Variants in GPAT4 observed in about 807,000 individuals in gnomAD.
The protein encoded by GPAT4 is glycerol-3-phosphate acyltransferase 4.
A neutral mutation model predicts 58.0 loss-of-function variants in GPAT4; 17 were observed. That is an observed-to-expected ratio of 0.29 (90% CI 0.20 to 0.44). The LOEUF (loss-of-function observed/expected upper bound fraction) is 0.44, where lower values mean the gene tolerates loss of function less well. Ranked by LOEUF, GPAT4 falls within the 20% of genes least tolerant of loss-of-function variation. The probability of loss-of-function intolerance (pLI) is 1.00; values close to 1 mark genes in which losing one functional copy is unlikely to be tolerated. For synonymous variants in GPAT4, 204 were observed against 210.1 expected (o/e 0.97, Z 0.25); for missense variants, 377 against 574.5 (o/e 0.66, Z 3.51).
At position 41,597,999 on chromosome 8, in the gene GPAT4, G is replaced by A. The variant is rs553612881; in HGVS notation, c.-848-293G>A. Reference sequence around the variant, plus strand: ...AGGAGATGTACTTTCCATAGCACACGCTTTTTATCTTTTAAATGTGTCTTA... The same window carrying A: ...AGGAGATGTACTTTCCATAGCACACACTTTTTATCTTTTAAATGTGTCTTA... On this transcript the variant is annotated intron_variant, in intron 1 of 12. Transcript: ENST00000396987. 6.6e-4 allele frequency among the ~76,000 whole-genome samples: 101 copies of A among 152,284 alleles called. 2 individuals carry two copies. In the South Asian group the frequency reaches 0.02, roughly 30 times the overall value.
chr8:41,591,163 C>T (rs1289075731), intron 1 of GPAT4, among the ~76,000 whole-genome samples: 2 of 151,960 alleles, frequency 1.3e-5, no homozygotes, highest in African/African-American at 2.4e-5. Flanking sequence ...CTGCATGCAC[C>T]GGTAATCAGA....
At chr8:41,580,342 G>GT (rs1186477160) in intron 1 of GPAT4, among the ~76,000 whole-genome samples, 3 of 152,168 alleles carry the variant, frequency 2.0e-5, no homozygotes, top group Admixed American at 1.3e-4. Context: ...ACTTAAGAGT[G>GT]TTACTCTTCT....
rs1803659656 is a variant in GPAT4 at position 41,618,576 on chromosome 8, A to G, written c.1054-108A>G. On this transcript the variant is annotated intron_variant, in intron 10 of 12. Transcript: ENST00000396987. ...TACTCATGCAAGGTCAGGGAGCAGC[A>G]CCCCAGTACCAGCACGGCCCAGTGG... 2.2e-5 allele frequency: 31 copies of G among 1,397,814 alleles called. No individual in the cohort carries two copies. The South Asian group carries it at 4.0e-4, about 18-fold the overall frequency. 86.6% of individuals were successfully genotyped at this position (1,397,814 alleles called of 1,614,324 possible). A position where few individuals can be genotyped will look rare whatever the true frequency, so the allele number is the denominator to read the frequency against.
chr8:41,593,256 A>G (rs1178982512), intron 1 of GPAT4, among the ~76,000 whole-genome samples: 2 of 152,212 alleles, frequency 1.3e-5, no homozygotes, highest in Non-Finnish European at 2.9e-5. Context: ...TGGGAGGCTC[A>G]GAGGGGTTAT....
intron 6 of GPAT4, 24 bp from the exon 7 acceptor site, chr8:41,612,156 G>T (rs538994989): frequency 6.2e-7 from 1 of 1,613,500 alleles, no homozygotes; most frequent in East Asian, 2.2e-5. Context: ...AATTTTGGTT[G>T]CTTTGCATAC....
intron 1 of GPAT4, among the ~76,000 whole-genome samples, chr8:41,585,634 GTAT>G (rs1414153741): frequency 6.6e-6 from 1 of 152,196 alleles, no homozygotes; most frequent in Non-Finnish European, 1.5e-5. Context: ...CACAGGATAT[GTAT>G]TATTCCCAAT....
intron 1 of GPAT4, among the ~76,000 whole-genome samples, chr8:41,582,688 T>G (rs75005904): frequency 1.3e-5 from 2 of 151,364 alleles, no homozygotes; most frequent in African/African-American, 2.4e-5. Flanking sequence ...TGTGTGTGTG[T>G]GTGTGTGGGT....
chr8:41,618,164 T>C (rs1803647450), intron 10 of GPAT4, among the ~76,000 whole-genome samples: 1 of 152,334 alleles, frequency 6.6e-6, no homozygotes, highest in South Asian at 2.1e-4. Flanking sequence ...AGCTTTCTAA[T>C]AGTTTCCTCC....
At chr8:41,582,131 G>A (rs1802532105) in intron 1 of GPAT4, among the ~76,000 whole-genome samples, 2 of 147,914 alleles carry the variant, frequency 1.4e-5, no homozygotes, top group South Asian at 4.3e-4. Context: ...TATCTCCCAA[G>A]TAGCTGGGAT....
rs147744279 is a variant in GPAT4, at chr8:41,610,124, G to C, written c.536+169G>C. 4.9e-6 allele frequency: 7 copies of C among 1,433,356 alleles called. No homozygotes were observed. The African/African-American group carries it at 5.7e-5, about 12-fold the overall frequency. 88.8% of individuals were successfully genotyped at this position (1,433,356 alleles called of 1,614,324 possible). The stretch of plus-strand genomic sequence containing the variant: ...GATACACTGGTGATTCTCCTTTAGA[G>C]GCCCTTGGATTCTCTGCATATCAGA... On this transcript the variant is annotated intron_variant, in intron 4 of 12. Transcript: ENST00000396987.
At chr8:41,579,825 G>A (rs937768886) in intron 1 of GPAT4, among the ~76,000 whole-genome samples, 1 of 151,634 alleles carries the variant, frequency 6.6e-6, no homozygotes, top group Non-Finnish European at 1.5e-5. Context: ...GCGACAGAGC[G>A]AGACTCGTGT....
chr8:41,614,792 T>C (rs954085877), intron 9 of GPAT4, among the ~76,000 whole-genome samples, 171 bp from the exon 10 acceptor site: 1 of 152,192 alleles, frequency 6.6e-6, no homozygotes, highest in Non-Finnish European at 1.5e-5. Flanking sequence ...GGAGGCACCA[T>C]CTTGCCTGTC....
In GPAT4 at chr8:41,620,950, G is replaced by T; in HGVS notation, c.1320G>T (p.Lys440Asn). The change falls in exon 13 of 13, where the codon AAG (lysine) becomes AAT (asparagine). Residue 440 changes from lysine (K) to asparagine (N), a missense_variant. Transcript: ENST00000396987. ...ACACGTTCAAGGAGGAGCAGCAGAA[G>T]CTGTACAGCAAGATGATCGTGGGGA... ...VKDTFKEEQQ[K>N]LYSKMIVGNH... is the part of the protein sequence containing the mutation. 1.3e-6 allele frequency: 2 copies of T among 1,551,756 alleles called. No individual in the cohort carries two copies. The highest frequency in any genetic ancestry group is 1.7e-6 in the Non-Finnish European group (2 of 1,147,310).
At chr8:41,583,749 T>G (rs1802584614) in intron 1 of GPAT4, among the ~76,000 whole-genome samples, 1 of 152,236 alleles carries the variant, frequency 6.6e-6, no homozygotes, top group African/African-American at 2.4e-5. Flanking sequence ...TGCTTAGTAA[T>G]GTTCAGGTCT....
chr8:41,593,024 C>G (rs970577915), intron 1 of GPAT4, among the ~76,000 whole-genome samples: 2 of 152,168 alleles, frequency 1.3e-5, no homozygotes, highest in Non-Finnish European at 2.9e-5. Context: ...AGTCCTAATT[C>G]ATAACAAATA....
At position 41,624,729 on chromosome 8, in the gene GPAT4, T is replaced by C. The variant is rs746948753; in HGVS notation, c.*3728T>C. On this transcript the variant is annotated 3_prime_UTR_variant, in exon 13 of 13. Transcript: ENST00000396987. ...CGATGGGAAAGTTAATAAATTTTGC[T>C]CTAGATTAAAAGTATTGATCATTTC... 1.3e-5 allele frequency: 2 copies of C among 152,192 alleles called. No homozygotes were observed. Among genetic ancestry groups the C allele is most frequent in the South Asian group, 2.1e-4 (1 of 4,834 alleles). The allele number at this position is 152,192 out of a possible 1,614,324, so 9.4% of individuals were successfully genotyped here.
At chr8:41,578,396 G>A (rs1802419115) in intron 1 of GPAT4, 118 bp downstream of exon 1, 1 of 151,828 alleles carries the variant, frequency 6.6e-6, no homozygotes, top group Non-Finnish European at 1.5e-5. Flanking sequence ...GGACGCCCCG[G>A]CGACGCTGCG....
rs1803764415 is a variant in GPAT4 at position 41,621,935 on chromosome 8, C to T, written c.*934C>T. The T allele has an allele frequency of 6.6e-6, 1 of 152,364 alleles. No individual in the cohort carries two copies. The highest frequency in any genetic ancestry group is 1.5e-5 in the Non-Finnish European group (1 of 68,184). 9.4% of individuals were successfully genotyped at this position (152,364 alleles called of 1,614,324 possible). A position where few individuals can be genotyped will look rare whatever the true frequency, so the allele number is the denominator to read the frequency against. On this transcript the variant is annotated 3_prime_UTR_variant, in exon 13 of 13. Transcript: ENST00000396987. ...ATGAACTGGGGGACTTCTCCCTTTACTTTCTCCCCTGGCTGTGGCCCTGAG... is the reference window on the plus strand; with the variant it reads ...ATGAACTGGGGGACTTCTCCCTTTATTTTCTCCCCTGGCTGTGGCCCTGAG...
chr8:41,581,592 C>T (rs1247836759), intron 1 of GPAT4, among the ~76,000 whole-genome samples: 1 of 150,888 alleles, frequency 6.6e-6, no homozygotes, highest in Non-Finnish European at 1.5e-5. Context: ...GTCGGAATTA[C>T]AGACATGAGC....
Sources: allele counts gnomAD v4.1 joint callset (sites outside exome capture counted in the v4.1 genomes callset), GRCh38; gene constraint gnomAD v4.1.1; transcripts MANE v1.5; gene names NCBI Gene and HGNC (gene_info 2026-07-23, HGNC 2026-07-21).